PTGER4: variants seen among roughly 807,000 people sequenced by gnomAD.
PTGER4 encodes prostaglandin E receptor 4.
In PTGER4, 11 loss-of-function variants were observed where a neutral mutation model predicts 33.2. That is an observed-to-expected ratio of 0.33 (90% CI 0.21 to 0.55). PTGER4 has a LOEUF of 0.55. PTGER4 is among the 20% of genes least tolerant of loss of function. The pLI, the probability that PTGER4 is intolerant of heterozygous loss-of-function variation, is 0.92. For synonymous variants in PTGER4, 275 were observed against 281.5 expected (o/e 0.98, Z 0.23); for missense variants, 481 against 650.2 (o/e 0.74, Z 2.83).
At chr5:40,688,500 TC>T (rs1184214653) in intron 2 of PTGER4, among the ~76,000 whole-genome samples, 7 of 152,180 alleles carry the variant, frequency 4.6e-5, no homozygotes, top group African/African-American at 1.4e-4. Flanking sequence ...TACCAACAAT[TC>T]CATTGTCAGG....
rs1741454802 is a variant in PTGER4, at chr5:40,691,019, AT to A, written c.868-753del. Among the ~76,000 whole-genome samples, 1 of 152,084 alleles carries A rather than the reference AT, an allele frequency of 6.6e-6. No homozygotes were observed. The highest frequency in any genetic ancestry group is 2.4e-5 in the African/African-American group (1 of 41,412). ...TGCATTTTTGCAGTGACTGGTTTTT[AT>A]TTTTTTATTTTTTATTTTTAAACAG... On this transcript the variant is annotated intron_variant, in intron 2 of 2. Transcript: ENST00000302472. This position sits in a 1 kb window ranked among gnomAD's most constrained non-coding sequence, Gnocchi z 4.2.
the PTGER4 span, among the ~76,000 whole-genome samples, chr5:40,744,696 A>G: frequency 1.3e-5 from 2 of 152,130 alleles, no homozygotes; most frequent in Admixed American, 6.5e-5. Context: ...GGTCATACAT[A>G]TGTCTTCTAA....
chr5:40,703,392 A>C, the PTGER4 span, among the ~76,000 whole-genome samples: 1 of 152,176 alleles, frequency 6.6e-6, no homozygotes, highest in Admixed American at 6.5e-5. Flanking sequence ...GAAAATATGG[A>C]AGAGATGGAT....
chr5:40,717,818 C>G, the PTGER4 span, among the ~76,000 whole-genome samples: 1 of 152,110 alleles, frequency 6.6e-6, no homozygotes, highest in African/African-American at 2.4e-5. Flanking sequence ...AATCCCAGCA[C>G]TCTGGGAGGT....
downstream of PTGER4, among the ~76,000 whole-genome samples, chr5:40,698,430 T>A (rs1203937786): frequency 1.3e-5 from 2 of 152,174 alleles, no homozygotes; most frequent in Non-Finnish European, 2.9e-5. Flanking sequence ...CAGTACTTAA[T>A]GTCCTAAATT....
At chr5:40,725,908 C>A in the PTGER4 span, among the ~76,000 whole-genome samples, 1 of 151,688 alleles carries the variant, frequency 6.6e-6, no homozygotes, top group Admixed American at 6.6e-5. Flanking sequence ...GCCTCAGCCT[C>A]CCGAGCAGCT....
At chr5:40,725,814 C>A in the PTGER4 span, among the ~76,000 whole-genome samples, 4 of 130,628 alleles carry the variant, frequency 3.1e-5, no homozygotes, top group Non-Finnish European at 4.7e-5. Context: ...TGAGACAGGT[C>A]TTGCTCTGTC....
At chr5:40,695,471 G>C (rs976740328), downstream of PTGER4, among the ~76,000 whole-genome samples, 4 of 152,024 alleles carry the variant, frequency 2.6e-5, no homozygotes, top group South Asian at 8.3e-4. Context: ...GTTTAAACCC[G>C]GGAGGCGGGG....
the PTGER4 span, among the ~76,000 whole-genome samples, chr5:40,723,733 T>C: frequency 6.6e-6 from 1 of 151,914 alleles, no homozygotes; most frequent in African/African-American, 2.4e-5. Flanking sequence ...GGCGTGGTGA[T>C]GGGCACCTGT....
chr5:40,730,731 A>C, the PTGER4 span, among the ~76,000 whole-genome samples: 8 of 152,196 alleles, frequency 5.3e-5, no homozygotes, highest in Admixed American at 6.5e-5. Flanking sequence ...AATCCAAAAT[A>C]AAGGATTAGC....
chr5:40,717,935 G>A, the PTGER4 span, among the ~76,000 whole-genome samples: 7 of 151,976 alleles, frequency 4.6e-5, no homozygotes, highest in African/African-American at 7.2e-5. Flanking sequence ...GGTGGTGCAC[G>A]CCTGTAATCC....
chr5:40,738,443 A>AC, the PTGER4 span, among the ~76,000 whole-genome samples: 434 of 117,150 alleles, frequency 3.7e-3, no homozygotes, highest in Non-Finnish European at 4.9e-3. Flanking sequence ...AATATAAAAT[A>AC]AAATACAATA....
At chr5:40,722,844 G>T in the PTGER4 span, among the ~76,000 whole-genome samples, 6 of 149,238 alleles carry the variant, frequency 4.0e-5, no homozygotes, top group East Asian at 1.0e-3. Flanking sequence ...CCGGCCAGCT[G>T]CCCCGTCCGG....
At position 40,681,046 on chromosome 5, in the gene PTGER4, A is replaced by ACAG. The variant is rs773011456; in HGVS notation, c.55_57dup (p.Ser19dup). On this transcript the variant is annotated inframe_insertion, in exon 2 of 3. Transcript: ENST00000302472. This position sits in a 1 kb window ranked among gnomAD's most constrained non-coding sequence, Gnocchi z 9.8. The stretch of plus-strand genomic sequence containing the variant: ...GCCTCCTTGAGCCCCGACCGGCTGA[A>ACAG]CAGCCCAGTGACCATCCCGGCGGTG... 7 of 1,613,920 alleles carry ACAG rather than the reference A, an allele frequency of 4.3e-6. No homozygotes were observed. In the Admixed American group the frequency reaches 1.0e-4, roughly 23 times the overall value.
At chr5:40,722,212 T>C in the PTGER4 span, among the ~76,000 whole-genome samples, 1 of 151,252 alleles carries the variant, frequency 6.6e-6, no homozygotes, top group East Asian at 2.0e-4. Flanking sequence ...CTCAACTCGC[T>C]CACTCAGTGC....
At chr5:40,714,467 C>T in the PTGER4 span, 7 of 152,090 alleles carry the variant, frequency 4.6e-5, no homozygotes, top group Non-Finnish European at 1.0e-4. Flanking sequence ...ATAGGAAAAT[C>T]TTCAAAATGC....
the PTGER4 span, among the ~76,000 whole-genome samples, chr5:40,726,048 G>A: frequency 3.3e-5 from 5 of 151,664 alleles, no homozygotes; most frequent in African/African-American, 9.7e-5. Context: ...GCCTCCCAAA[G>A]TGCTGGGATT....
the PTGER4 span, among the ~76,000 whole-genome samples, chr5:40,710,501 T>C: frequency 1.3e-5 from 2 of 152,216 alleles, no homozygotes; most frequent in South Asian, 4.1e-4. Flanking sequence ...AGTTCAACCA[T>C]TGTGGAAGAC....
the PTGER4 span, among the ~76,000 whole-genome samples, chr5:40,707,408 C>T: frequency 3.9e-4 from 59 of 152,094 alleles, no homozygotes; most frequent in African/African-American, 1.3e-3. Flanking sequence ...AGACTTTAAA[C>T]GAACAAAGAT....
Sources: allele counts gnomAD v4.1 joint callset (sites outside exome capture counted in the v4.1 genomes callset), GRCh38; gene constraint gnomAD v4.1.1; non-coding constraint Gnocchi (gnomAD v3.1); transcripts MANE v1.5; gene names NCBI Gene and HGNC (gene_info 2026-07-23, HGNC 2026-07-21).